The following MLPH variants were observed in gnomAD, a reference collection of about 807,000 sequenced individuals.
The protein encoded by MLPH is exophilin-3.
A neutral mutation model predicts 72.1 loss-of-function variants in MLPH; 51 were observed. That is an observed-to-expected ratio of 0.71 (90% CI 0.56 to 0.89). MLPH has a LOEUF of 0.89. MLPH is among the 40% of genes least tolerant of loss of function. MLPH has a pLI of 0.00. For synonymous variants in MLPH, 301 were observed against 310.1 expected, an observed-to-expected ratio of 0.97 and a Z score of 0.31; for missense variants, 743 against 759.9, an observed-to-expected ratio of 0.98 and a Z score of 0.26.
At chr2:237,518,457 G>A (rs2080100954) in intron 4 of MLPH, 82 bp from the exon 5 acceptor site, 1 of 1,125,806 alleles carries the variant, frequency 8.9e-7, no homozygotes, top group South Asian at 1.3e-5. Context: ...TAGATTAGTG[G>A]ATGGATGGGT....
At chr2:237,507,691 C>T (rs2079806627) in intron 2 of MLPH, among the ~76,000 whole-genome samples, 1 of 152,220 alleles carries the variant, frequency 6.6e-6, no homozygotes, top group African/African-American at 2.4e-5. Flanking sequence ...CTGTCAAGCT[C>T]ACAGCAGGCG....
intron 1 of MLPH, among the ~76,000 whole-genome samples, chr2:237,492,100 G>T (rs12467572): frequency 2.0e-5 from 3 of 152,056 alleles, no homozygotes; most frequent in African/African-American, 4.8e-5. Flanking sequence ...AAGTTCCCAG[G>T]GGATGCTGCC....
At chr2:237,545,534 G>A (rs774756781) in intron 12 of MLPH, 1 of 1,288,858 alleles carries the variant, frequency 7.8e-7, no homozygotes, top group Non-Finnish European at 1.0e-6. Flanking sequence ...AATCCAAAAG[G>A]AGCCGCCTGA....
Position 237,540,958 on chromosome 2 carries a change from G to C in MLPH, c.1446+1G>C, listed in dbSNP as rs1460729083. On this transcript the variant is annotated splice_donor_variant, in intron 11 of 15. Coordinates refer to ENST00000264605, the MANE Select transcript of MLPH (RefSeq NM_024101.7). LOFTEE classifies it high-confidence loss of function. ...AGAAGTCCAGCAGGCAGAGAGCGAG[G>C]TAGCCCAGAAGGCACAGGGGAGCAC... The C allele has an allele frequency of 6.2e-7, 1 of 1,601,966 alleles. No individual in the cohort carries two copies. Among genetic ancestry groups the C allele is most frequent in the Non-Finnish European group, 8.5e-7 (1 of 1,175,066 alleles).
chr2:237,487,142 C>G (rs1256526114), upstream of MLPH: 1 of 150,286 alleles, frequency 6.7e-6, no homozygotes, highest in Non-Finnish European at 1.5e-5. Flanking sequence ...GGTGTCCGTT[C>G]CGTTCCGCCC....
chr2:237,510,992 C>T lies in MLPH; in HGVS notation c.336C>T (p.Val112=), dbSNP rs200648474. The change falls in exon 4 of 16, where the codon GTC becomes GTT. Residue 112 remains valine (V), a synonymous_variant. Transcript: ENST00000264605. The surrounding 1 kb of genome is among the most constrained non-coding windows in gnomAD (Gnocchi z 4.4). Reference sequence around the variant, plus strand: ...GAGCCTGTGCTTGTCCCTGCAGAGTCGTGAAGATCGGCTCACTGGAGTGGT... The same window carrying T: ...GAGCCTGTGCTTGTCCCTGCAGAGTTGTGAAGATCGGCTCACTGGAGTGGT... The part of the protein sequence containing the change: ...WICDPCHLAR[V]VKIGSLEWYY... 147 of 1,613,388 alleles carry T rather than the reference C, an allele frequency of 9.1e-5. No homozygotes were observed. Among genetic ancestry groups the T allele is most frequent in the Middle Eastern group, 6.6e-4 (4 of 6,062 alleles).
intron 2 of MLPH, among the ~76,000 whole-genome samples, chr2:237,503,523 C>T (rs2079697630): frequency 6.6e-6 from 1 of 152,200 alleles, no homozygotes; most frequent in African/African-American, 2.4e-5. Context: ...TGCCGTCTTT[C>T]CGTCCTCTGC....
At position 237,546,687 on chromosome 2, in the gene MLPH, T is replaced by TA; in HGVS notation, c.1617+4_1617+5insA. 1.2e-6 allele frequency: 2 copies of TA among 1,613,286 alleles called. No individual in the cohort carries two copies. Among genetic ancestry groups the TA allele is most frequent in the Non-Finnish European group, 1.7e-6 (2 of 1,179,212 alleles). ...AGACCCTTCAAGTGAGGCCAAGGTATGTGTTACTCCATTCAAGCCCCAGAC... is the reference window on the plus strand; with the variant it reads ...AGACCCTTCAAGTGAGGCCAAGGTATAGTGTTACTCCATTCAAGCCCCAGAC... On this transcript the variant is annotated splice_donor_region_variant and intron_variant, in intron 13 of 15. Transcript: ENST00000264605.
At chr2:237,542,496 T>A in intron 11 of MLPH, 71 bp from the exon 12 acceptor site, 3 of 1,281,226 alleles carry the variant, frequency 2.3e-6, no homozygotes, top group Non-Finnish European at 3.3e-6. Flanking sequence ...AGCTGCTCTT[T>A]CTGTCCATGA....
chr2:237,548,441 CAGG>C (rs2080963446), intron 13 of MLPH, among the ~76,000 whole-genome samples: 1 of 152,310 alleles, frequency 6.6e-6, no homozygotes, highest in African/African-American at 2.4e-5. Context: ...GGAAAAGAGA[CAGG>C]AGGAGAAGTG....
intron 1 of MLPH, among the ~76,000 whole-genome samples, chr2:237,490,887 A>ATC (rs1361461501): frequency 5.9e-5 from 9 of 152,296 alleles, no homozygotes; most frequent in Admixed American, 5.9e-4. Flanking sequence ...CATTGGGGCA[A>ATC]TCTCTTCTTG....
chr2:237,529,873 G>C (rs2080382612), intron 8 of MLPH, among the ~76,000 whole-genome samples: 1 of 152,198 alleles, frequency 6.6e-6, no homozygotes, highest in African/African-American at 2.4e-5. Context: ...GGGAGAGCTG[G>C]GGAAGGGAAT....
chr2:237,501,689 AT>A lies in MLPH; in HGVS notation c.110+8154del, dbSNP rs1466240528. 2.4e-3 allele frequency among the ~76,000 whole-genome samples: 281 copies of A among 115,096 alleles called. 1 individual carries two copies. The highest frequency in any genetic ancestry group is 0.01 in the African/African-American group (253 of 24,594). The allele number at this position is 115,096 out of a possible 152,430, so 75.5% of individuals were successfully genotyped here. On this transcript the variant is annotated intron_variant, in intron 2 of 15. Coordinates refer to ENST00000264605, the MANE Select transcript of MLPH (RefSeq NM_024101.7). ...TAAAAAAAAAAAAAAAAAAAAAAAA[AT>A]ACAAAAAAATTAGCCAGGCATGGTG...
chr2:237,532,699 C>T lies in MLPH; in HGVS notation c.1021-1865C>T, dbSNP rs541912496. ...GTACATATCTAAGTAATGTGATAATCCTGATGACTGGTGCCCACACAGGGT... is the reference window on the plus strand; with the variant it reads ...GTACATATCTAAGTAATGTGATAATTCTGATGACTGGTGCCCACACAGGGT... On this transcript the variant is annotated intron_variant, in intron 8 of 15. Coordinates refer to ENST00000264605, the MANE Select transcript of MLPH (RefSeq NM_024101.7). Among the ~76,000 whole-genome samples the T allele has an allele frequency of 7.0e-4, 107 of 152,356 alleles. 1 individual carries two copies. The highest frequency in any genetic ancestry group is 2.4e-3 in the African/African-American group (99 of 41,580).
In MLPH at chr2:237,525,710, C is replaced by G; in HGVS notation, c.785C>G (p.Pro262Arg). 1.2e-6 allele frequency: 2 copies of G among 1,614,136 alleles called. No individual in the cohort carries two copies. Among genetic ancestry groups the G allele is most frequent in the Non-Finnish European group, 8.5e-7 (1 of 1,180,036 alleles). Residue 262 changes from proline (P) to arginine (R), a missense_variant, in exon 7 of 16, where the codon CCG becomes CGG. Pro to Arg is a moderately radical substitution (Grantham distance 103, BLOSUM62 -2). Coordinates refer to ENST00000264605, the MANE Select transcript of MLPH (RefSeq NM_024101.7). ...SGCHSHPEEQ[P>R]TSISPSRHGA... ...TGCCACTCCCATCCGGAAGAGCAGC[C>G]GACCAGCATCTCACCTTCCAGACAC...
intron 9 of MLPH, among the ~76,000 whole-genome samples, chr2:237,538,847 G>T (rs944517220): frequency 6.6e-6 from 1 of 152,200 alleles, no homozygotes; most frequent in Non-Finnish European, 1.5e-5. Flanking sequence ...ATAAATCAAG[G>T]CAGAAGGTCC....
chr2:237,521,803 G>C (rs2080188964), intron 6 of MLPH, among the ~76,000 whole-genome samples: 1 of 127,326 alleles, frequency 7.9e-6, no homozygotes, highest in Non-Finnish European at 1.5e-5. Flanking sequence ...CTATAGTGCT[G>C]GAGCGGAGCA....
At chr2:237,511,919 C>T (rs1175588621) in intron 4 of MLPH, among the ~76,000 whole-genome samples, 1 of 152,092 alleles carries the variant, frequency 6.6e-6, no homozygotes, top group African/African-American at 2.4e-5. Context: ...GGGAGCTAAC[C>T]CATCAGTGTT....
intron 8 of MLPH, among the ~76,000 whole-genome samples, chr2:237,529,747 G>A (rs1345805510): frequency 3.3e-5 from 5 of 152,200 alleles, no homozygotes; most frequent in Admixed American, 1.3e-4. Flanking sequence ...AATGGAGACC[G>A]GAACCGCAGT....
Sources: allele counts gnomAD v4.1 joint callset (sites outside exome capture counted in the v4.1 genomes callset), GRCh38; gene constraint gnomAD v4.1.1; non-coding constraint Gnocchi (gnomAD v3.1); transcripts MANE v1.5; gene names NCBI Gene and HGNC (gene_info 2026-07-23, HGNC 2026-07-21).